TRPM3: variants seen among roughly 807,000 people sequenced by gnomAD.
TRPM3 encodes long transient receptor potential channel 3.
In TRPM3, 77 loss-of-function variants were observed where a neutral mutation model predicts 181.2. The ratio of observed to expected loss-of-function variants is 0.42; its 90% confidence interval spans 0.35 to 0.51. TRPM3 has a LOEUF of 0.51. TRPM3 is among the 20% of genes least tolerant of loss of function. The pLI is 0.01. For synonymous variants in TRPM3, 745 were observed against 796.4 expected (o/e 0.94, Z 1.09); for missense variants, 1,759 against 2,196.7 (o/e 0.80, Z 3.98).
intron 1 of TRPM3, among the ~76,000 whole-genome samples, chr9:71,134,020 T>C (rs199618375): frequency 6.2e-4 from 68 of 109,564 alleles, no homozygotes; most frequent in African/African-American, 1.2e-3. Context: ...TGTGTGCGCG[T>C]GCGCGCGCGC....
chr9:71,177,142 G>A (rs2077144371), intron 1 of TRPM3, among the ~76,000 whole-genome samples: 1 of 152,080 alleles, frequency 6.6e-6, no homozygotes, highest in Non-Finnish European at 1.5e-5. Context: ...TCTAGATTGT[G>A]TACTCCTTAT....
chr9:70,663,181 T>A (rs1482387775), intron 9 of TRPM3, among the ~76,000 whole-genome samples: 2 of 152,170 alleles, frequency 1.3e-5, no homozygotes, highest in Non-Finnish European at 2.9e-5. Flanking sequence ...TAAGGGGAAC[T>A]AAACTATGAG....
At chr9:70,838,345 G>A (rs2094444928) in intron 5 of TRPM3, among the ~76,000 whole-genome samples, 1 of 152,182 alleles carries the variant, frequency 6.6e-6, no homozygotes, top group Non-Finnish European at 1.5e-5. Context: ...ATCAGGTCAT[G>A]AGGGCGGGGC....
chr9:71,416,340 A>G (rs2093636806), intron 1 of TRPM3, among the ~76,000 whole-genome samples: 1 of 151,914 alleles, frequency 6.6e-6, no homozygotes, highest in Non-Finnish European at 1.5e-5. Flanking sequence ...TATTTAATAA[A>G]CTAGTTTGGA....
chr9:70,760,744 G>A (rs1057062930), intron 8 of TRPM3: 2 of 151,418 alleles, frequency 1.3e-5, no homozygotes, highest in African/African-American at 4.9e-5. Flanking sequence ...AGTCTCTCTG[G>A]CTGAGGCCTG....
chr9:71,264,183 TAGG>T (rs561772383), intron 1 of TRPM3, among the ~76,000 whole-genome samples: 90 of 151,956 alleles, frequency 5.9e-4, no homozygotes, highest in African/African-American at 2.1e-3. Flanking sequence ...GATTCTGAAG[TAGG>T]AGAAGAATGA....
At chr9:70,953,674 C>T (rs1011158628) in intron 1 of TRPM3, among the ~76,000 whole-genome samples, 2 of 152,150 alleles carry the variant, frequency 1.3e-5, no homozygotes, top group Admixed American at 1.3e-4. Context: ...TCCCTCCCCA[C>T]CAGGTTCCAA....
At chr9:71,144,823 T>G (rs1185352639) in intron 1 of TRPM3, among the ~76,000 whole-genome samples, 5 of 152,142 alleles carry the variant, frequency 3.3e-5, no homozygotes, top group Non-Finnish European at 5.9e-5. Flanking sequence ...AATATAATAA[T>G]TTTAATGGAA....
chr9:70,766,948 T>C (rs2079253211), intron 7 of TRPM3, among the ~76,000 whole-genome samples: 1 of 152,250 alleles, frequency 6.6e-6, no homozygotes, highest in Non-Finnish European at 1.5e-5. Flanking sequence ...GGCTTGTGAA[T>C]ATTAAATGAG....
At chr9:71,197,715 G>T (rs1486251723) in intron 1 of TRPM3, among the ~76,000 whole-genome samples, 2 of 151,338 alleles carry the variant, frequency 1.3e-5, no homozygotes, top group African/African-American at 4.9e-5. Context: ...TTTTGATGGG[G>T]TTGTTTGTTT....
At chr9:71,315,270 A>G (rs1037492679) in intron 1 of TRPM3, among the ~76,000 whole-genome samples, 7 of 152,180 alleles carry the variant, frequency 4.6e-5, no homozygotes, top group Admixed American at 4.6e-4. Flanking sequence ...GAATTACACA[A>G]GTAAATATGG....
intron 8 of TRPM3, among the ~76,000 whole-genome samples, chr9:70,760,445 C>CGTGCGTAGCA (rs1423616438): frequency 6.8e-6 from 1 of 147,930 alleles, no homozygotes; most frequent in East Asian, 2.0e-4. Context: ...GTGGTACCTT[C>CGTGCGTAGCA]GTGCGTAGTA....
intron 1 of TRPM3, among the ~76,000 whole-genome samples, chr9:71,031,045 G>A (rs1407203329): frequency 6.6e-6 from 1 of 152,084 alleles, no homozygotes; most frequent in Non-Finnish European, 1.5e-5. Flanking sequence ...GGCTGCTACT[G>A]CTCCTCACTG....
intron 1 of TRPM3, among the ~76,000 whole-genome samples, chr9:71,441,786 C>T (rs1041997472): frequency 1.3e-5 from 2 of 152,016 alleles, no homozygotes; most frequent in Admixed American, 6.6e-5. Context: ...TCGCGCACTA[C>T]CACCCCCAGC....
intron 1 of TRPM3, among the ~76,000 whole-genome samples, chr9:71,190,123 G>A (rs751828634): frequency 7.9e-5 from 12 of 151,824 alleles, no homozygotes; most frequent in Admixed American, 2.0e-4. Context: ...GTCTAAAAGC[G>A]TATGGGCTCA....
At chr9:70,545,768 G>A (rs1470915092) in intron 25 of TRPM3, among the ~76,000 whole-genome samples, 3 of 152,064 alleles carry the variant, frequency 2.0e-5, no homozygotes, top group Middle Eastern at 3.4e-3. Flanking sequence ...GGCTGGTCTC[G>A]AACACCTGAA....
chr9:71,402,310 A>C (rs2093356579), intron 1 of TRPM3, among the ~76,000 whole-genome samples: 1 of 152,212 alleles, frequency 6.6e-6, no homozygotes, highest in Non-Finnish European at 1.5e-5. Context: ...ACACAAGATA[A>C]TCAGAAATCA....
chr9:70,865,349 G>A (rs2095627431), intron 1 of TRPM3: 1 of 152,080 alleles, frequency 6.6e-6, no homozygotes, highest in Non-Finnish European at 1.5e-5. Flanking sequence ...ACCAGCATTT[G>A]CAATGGCAGC....
intron 1 of TRPM3, among the ~76,000 whole-genome samples, chr9:71,036,705 G>T (rs980518360): frequency 1.3e-5 from 2 of 152,196 alleles, no homozygotes; most frequent in Non-Finnish European, 2.9e-5. Context: ...GGCCAAGTTT[G>T]CATTAGTCTG....
Sources: gnomAD v4.1 joint callset for allele counts (sites outside exome capture counted in the v4.1 genomes callset) on GRCh38, gnomAD v4.1.1 for gene constraint, MANE v1.5 for transcripts, NCBI Gene and HGNC (gene_info 2026-07-23, HGNC 2026-07-21) for gene names.